The following ZNF213 variants were observed in gnomAD, a reference collection of about 807,000 sequenced individuals.
The protein encoded by ZNF213 is zinc finger protein 213.
ZNF213 carries 32 observed loss-of-function variants against 46.0 expected under a neutral mutation model. The ratio of observed to expected loss-of-function variants is 0.70; its 90% CI spans 0.52 to 0.93. The LOEUF (loss-of-function observed/expected upper bound fraction) is 0.93. Among genes scored for constraint, ZNF213 ranks in the 40% least tolerant of loss-of-function variants. The probability of loss-of-function intolerance (pLI) is 0.00; values close to 1 mark genes in which losing one functional copy is unlikely to be tolerated. For missense variants in ZNF213, 639 were observed against 652.8 expected, an observed-to-expected ratio of 0.98 and a Z score of 0.23; for synonymous variants, 297 against 271.0, an observed-to-expected ratio of 1.10 and a Z score of -0.94.
intron 2 of ZNF213, 83 bp downstream of exon 2, chr16:3,137,762 C>G (rs1245154827): frequency 6.7e-7 from 1 of 1,503,642 alleles, no homozygotes; most frequent in Non-Finnish European, 9.0e-7. Flanking sequence ...ATAAGTCTCC[C>G]AGAGGCTCAC....
Position 3,138,603 on chromosome 16 carries a change from C to T in ZNF213, c.523+62C>T, listed in dbSNP as rs535914506. 6.6e-5 allele frequency: 106 copies of T among 1,612,288 alleles called. No individual in the cohort carries two copies. In the African/African-American group the frequency reaches 8.3e-4, roughly 13 times the overall value. ...CTGGGCAGGGACCTAGCTTTGTCAC[C>T]GGCGTTGCCCTAAGGGTCACAGGCA... On this transcript the variant is annotated intron_variant, in intron 3 of 5. Transcript: ENST00000396878.
Position 3,138,765 on chromosome 16 carries a change from A to G in ZNF213, c.544A>G (p.Lys182Glu), listed in dbSNP as rs1320085499. 2 of 1,613,946 alleles carry G rather than the reference A, an allele frequency of 1.2e-6. No individual in the cohort carries two copies. The highest frequency in any genetic ancestry group is 1.7e-6 in the Non-Finnish European group (2 of 1,179,938). The stretch of plus-strand genomic sequence containing the variant: ...TTCAGCCCAGCCTCCTGCTCTTCTT[A>G]AAGAGGGTCGTCCCGGAGAGACGAC... Reference protein sequence around the residue: ...SHSAQPPALLKEGRPGETTDT... With the variant: ...SHSAQPPALLEEGRPGETTDT... The change falls in exon 4 of 6, where the codon AAA becomes GAA. Residue 182 changes from lysine to glutamate, a missense_variant. By Grantham distance (56) the Lys-to-Glu change is moderately conservative. Transcript: ENST00000396878.
In ZNF213 at chr16:3,141,154, C is replaced by T; in HGVS notation, c.1187C>T (p.Thr396Met). The T allele has an allele frequency of 6.2e-7, 1 of 1,612,572 alleles. No homozygotes were observed. Among genetic ancestry groups the T allele is most frequent in the South Asian group, 1.1e-5 (1 of 91,058 alleles). The change falls in exon 6 of 6, where the codon ACG becomes ATG. Residue 396 changes from threonine (T) to methionine (M), a missense_variant. Thr to Met is a moderately conservative substitution (Grantham distance 81). Coordinates refer to ENST00000396878, the MANE Select transcript of ZNF213 (RefSeq NM_004220.3). ...CTGGCCGACCACCAGCGCATACACA[C>T]GGGCGAGAAGCCTTTCGGCTGCAGC... ...AYLADHQRIH[T>M]GEKPFGCSDC...
At position 3,137,682 on chromosome 16, in the gene ZNF213, G is replaced by C. The variant is rs770301541; in HGVS notation, c.399+3G>C. 1 of 1,612,838 alleles carries C rather than the reference G, an allele frequency of 6.2e-7. No individual in the cohort carries two copies. The highest frequency in any genetic ancestry group is 8.5e-7 in the Non-Finnish European group (1 of 1,179,656). On this transcript the variant is annotated splice_donor_region_variant and intron_variant, in intron 2 of 5. Coordinates refer to ENST00000396878, the MANE Select transcript of ZNF213 (RefSeq NM_004220.3). The stretch of plus-strand genomic sequence containing the variant: ...AGCCAGTGAAAGCCTGGCGACAGGT[G>C]AGGGGCCCTTCCACATCCAGGGGCA...
Position 3,137,386 on chromosome 16 carries a change from G to A in ZNF213, c.106G>A (p.Glu36Lys), listed in dbSNP as rs1957551887. 1 of 1,614,022 alleles carries A rather than the reference G, an allele frequency of 6.2e-7. No homozygotes were observed. Reference sequence around the variant, plus strand: ...CTGGGAACAGGAATCTGCCCAGCATGAGGATGGCAGGGATTCCGAAGCCTG... The same window carrying A: ...CTGGGAACAGGAATCTGCCCAGCATAAGGATGGCAGGGATTCCGAAGCCTG... ...SSWEQESAQH[E>K]DGRDSEACRQ... The change falls in exon 2 of 6, where the codon GAG (glutamate) becomes AAG (lysine). Residue 36 changes from glutamate to lysine, a missense_variant. Physicochemically the swap from Glu to Lys is moderately conservative, Grantham distance 56. Coordinates refer to ENST00000396878, the MANE Select transcript of ZNF213 (RefSeq NM_004220.3).
rs1205877756 is a variant in ZNF213 at position 3,139,079 on chromosome 16, C to G, written c.702C>G (p.Asn234Lys). ...RDLFWDIKRE[N>K]SRNTTLGFGL... ...TCTTCTGGGACATAAAGCGGGAGAA[C>G]TCCCGGAACACCACCCTGGGTAAGC... The change falls in exon 5 of 6, where the codon AAC becomes AAG. Residue 234 changes from asparagine (N) to lysine (K), a missense_variant. Physicochemically the swap from Asn to Lys is moderately conservative, Grantham distance 94 (BLOSUM62 0). Transcript: ENST00000396878. 6.2e-7 allele frequency: 1 copy of G among 1,613,998 alleles called. No homozygotes were observed. The highest frequency in any genetic ancestry group is 8.5e-7 in the Non-Finnish European group (1 of 1,180,002).
chr16:3,138,997 T>TC lies in ZNF213; in HGVS notation c.623dup (p.Phe209IlefsTer41), dbSNP rs748563289. The TC allele has an allele frequency of 5.6e-6, 9 of 1,614,012 alleles. No homozygotes were observed. The highest frequency in any genetic ancestry group is 7.6e-6 in the Non-Finnish European group (9 of 1,180,020). ...CAGGGACCTGTGGCATTGGGAGACA[T>TC]CCCATTCTATTTCTCCCGGGAAGAA... On this transcript the variant is annotated frameshift_variant, in exon 5 of 6. Coordinates refer to ENST00000396878, the MANE Select transcript of ZNF213 (RefSeq NM_004220.3). LOFTEE classifies it high-confidence loss of function.
In ZNF213 at chr16:3,138,457, C is replaced by A. The variant is rs774347813; in HGVS notation, c.439C>A (p.Arg147=). The A allele has an allele frequency of 6.2e-7, 1 of 1,613,086 alleles. No individual in the cohort carries two copies. The highest frequency in any genetic ancestry group is 1.7e-5 in the Admixed American group (1 of 59,712). Residue 147 remains arginine, a synonymous_variant, in exon 3 of 6, where the codon CGG becomes AGG. Transcript: ENST00000396878. ...GGAGGCGGAACCCGAGGCTGCAGGC[C>A]GGGGATCCCAGGCCACGGGGCCTCC... ...SEEAEPEAAG[R]GSQATGPPPT...
At position 3,138,796 on chromosome 16, in the gene ZNF213, C is replaced by G. The variant is rs1957571414; in HGVS notation, c.575C>G (p.Thr192Ser). The G allele has an allele frequency of 3.1e-6, 5 of 1,613,952 alleles. No individual in the cohort carries two copies. The highest frequency in any genetic ancestry group is 4.2e-6 in the Non-Finnish European group (5 of 1,179,994). ...GGTCGTCCCGGAGAGACGACGGACA[C>G]CTGCTTTGTCTCTGGGGTCCATGTG... ...KEGRPGETTD[T>S]CFVSGVHGPV... The change falls in exon 4 of 6, where the codon ACC becomes AGC. Residue 192 changes from threonine to serine, a missense_variant. Coordinates refer to ENST00000396878, the MANE Select transcript of ZNF213 (RefSeq NM_004220.3).
chr16:3,138,000 G>A lies in ZNF213; in HGVS notation c.399+321G>A, dbSNP rs955001551. The stretch of plus-strand genomic sequence containing the variant: ...CTAGGCCTGGCTCTGGGGACACAAG[G>A]GTGTGCATAGAGCCAGCTCCAGAGT... On this transcript the variant is annotated intron_variant, in intron 2 of 5. Transcript: ENST00000396878. 14 of 479,426 alleles carry A rather than the reference G, an allele frequency of 2.9e-5. No homozygotes were observed. The East Asian group carries it at 5.8e-4, about 20-fold the overall frequency. The allele number at this position is 479,426 out of a possible 1,614,324, so 29.7% of individuals were successfully genotyped here. A position where few individuals can be genotyped will look rare whatever the true frequency, so the allele number is the denominator to read the frequency against.
chr16:3,139,712 A>C (rs997723769), intron 5 of ZNF213: 2 of 151,592 alleles, frequency 1.3e-5, no homozygotes, highest in African/African-American at 2.4e-5. Flanking sequence ...TTGGCTCCTC[A>C]GTTTCCGACT....
chr16:3,137,991 G>T lies in ZNF213; in HGVS notation c.399+312G>T, dbSNP rs531930395. 4.1e-4 allele frequency: 200 copies of T among 488,510 alleles called. 3 individuals carry two copies. The South Asian group carries it at 4.3e-3, about 11-fold the overall frequency. The allele number at this position is 488,510 out of a possible 1,614,324, so 30.3% of individuals were successfully genotyped here. On this transcript the variant is annotated intron_variant, in intron 2 of 5. Transcript: ENST00000396878. Reference sequence around the variant, plus strand: ...CATTTTGCTCTAGGCCTGGCTCTGGGGACACAAGGGTGTGCATAGAGCCAG... The same window carrying T: ...CATTTTGCTCTAGGCCTGGCTCTGGTGACACAAGGGTGTGCATAGAGCCAG...
Position 3,137,322 on chromosome 16 carries a change from G to A in ZNF213, c.42G>A (p.Glu14=), listed in dbSNP as rs368276760. ...AGGCCCAGGACCAGGCCCCTGGGGAGGGAGAAGGGCTTCTGATTGTGAAAG... is the reference window on the plus strand; with the variant it reads ...AGGCCCAGGACCAGGCCCCTGGGGAAGGAGAAGGGCTTCTGATTGTGAAAG... The part of the protein sequence containing the change: ...PLEAQDQAPG[E]GEGLLIVKVE... Residue 14 remains glutamate (E), a synonymous_variant, in exon 2 of 6, where the codon GAG becomes GAA. Coordinates refer to ENST00000396878, the MANE Select transcript of ZNF213 (RefSeq NM_004220.3). The A allele has an allele frequency of 1.5e-5, 24 of 1,610,730 alleles. No homozygotes were observed. The highest frequency in any genetic ancestry group is 1.7e-5 in the Non-Finnish European group (20 of 1,177,758).
chr16:3,142,201 A>G lies in ZNF213; in HGVS notation c.*854A>G, dbSNP rs997092508. 4.0e-5 allele frequency: 9 copies of G among 227,414 alleles called. No individual in the cohort carries two copies. In the East Asian group the frequency reaches 6.7e-4, roughly 17 times the overall value. The allele number at this position is 227,414 out of a possible 1,614,324, so 14.1% of individuals were successfully genotyped here. A position where few individuals can be genotyped will look rare whatever the true frequency, so the allele number is the denominator to read the frequency against. On this transcript the variant is annotated 3_prime_UTR_variant, in exon 6 of 6. Transcript: ENST00000396878. ...TCCATCGGCCCCGGCACCCTGCTCCATCGGCACTGGCGCCCTGCTCCATCG... is the reference window on the plus strand; with the variant it reads ...TCCATCGGCCCCGGCACCCTGCTCCGTCGGCACTGGCGCCCTGCTCCATCG...
intron 5 of ZNF213, 81 bp from the exon 6 acceptor site, chr16:3,140,608 C>T: frequency 1.4e-6 from 2 of 1,435,264 alleles, no homozygotes; most frequent in Non-Finnish European, 1.8e-6. Flanking sequence ...AGGGAGCTTT[C>T]CCCAGCCTTG....
At chr16:3,137,828 G>T in intron 2 of ZNF213, 149 bp downstream of exon 2, 2 of 1,003,332 alleles carry the variant, frequency 2.0e-6, no homozygotes, top group Non-Finnish European at 2.9e-6. Context: ...AGTGTGCCAT[G>T]GGTGCCTTTC....
chr16:3,138,270 C>T, intron 2 of ZNF213, 148 bp from the exon 3 acceptor site: 1 of 1,453,626 alleles, frequency 6.9e-7, no homozygotes, highest in Non-Finnish European at 9.3e-7. Flanking sequence ...TCACATTCTC[C>T]TCCGGACTTT....
chr16:3,138,253 C>T, intron 2 of ZNF213, 165 bp from the exon 3 acceptor site: 1 of 1,342,262 alleles, frequency 7.5e-7, no homozygotes, highest in South Asian at 1.4e-5. Context: ...CACAGCATTA[C>T]CTGGTATCAC....
intron 5 of ZNF213, chr16:3,139,968 C>T (rs1460573703): frequency 6.6e-6 from 1 of 151,978 alleles, no homozygotes; most frequent in Non-Finnish European, 1.5e-5. Context: ...GTCTCGAACT[C>T]CTGACTTCAT....
Sources: gnomAD v4.1 joint callset for allele counts on GRCh38, gnomAD v4.1.1 for gene constraint, MANE v1.5 for transcripts, NCBI Gene and HGNC (gene_info 2026-07-23, HGNC 2026-07-21) for gene names.